The following INPP5F variants were observed in gnomAD, a reference collection of about 807,000 sequenced individuals.
INPP5F encodes inositol polyphosphate-5-phosphatase F, also known as phosphatidylinositide 4-phosphatase SAC2.
INPP5F carries 97 observed loss-of-function variants against 137.2 expected under a neutral mutation model. The ratio of observed to expected loss-of-function variants is 0.71; its 90% CI spans 0.60 to 0.84. The LOEUF is 0.84. Among genes scored for constraint, INPP5F ranks in the 40% least tolerant of loss-of-function variants. The pLI, the probability that INPP5F is intolerant of heterozygous loss-of-function variation, is 0.00. For synonymous variants in INPP5F, 504 were observed against 476.9 expected, an observed-to-expected ratio of 1.06 and a Z score of -0.74; for missense variants, 1,271 against 1,371.9, an observed-to-expected ratio of 0.93 and a Z score of 1.16.
chr10:119,733,228 T>C (rs978241867), intron 1 of INPP5F, among the ~76,000 whole-genome samples: 4 of 152,242 alleles, frequency 2.6e-5, no homozygotes, highest in African/African-American at 9.6e-5. Context: ...AAAATGCTAA[T>C]AGTGTGATAA....
intron 2 of INPP5F, among the ~76,000 whole-genome samples, chr10:119,765,836 CTAAT>C (rs1170076040): frequency 2.8e-4 from 39 of 137,066 alleles, no homozygotes; most frequent in African/African-American, 8.4e-4. Context: ...TATATAAATA[CTAAT>C]TAATCTCTCT....
At chr10:119,768,370 C>T (rs1029040433) in intron 2 of INPP5F, 1 of 152,164 alleles carries the variant, frequency 6.6e-6, no homozygotes, top group Admixed American at 6.6e-5. Context: ...AGTTTGACAT[C>T]AAATACGGCA....
At chr10:119,818,703 C>CGTCGCAGTT (rs1266320875) in intron 15 of INPP5F, 1 of 152,348 alleles carries the variant, frequency 6.6e-6, no homozygotes, top group Non-Finnish European at 1.5e-5. Context: ...GGCACTGCCG[C>CGTCGCAGTT]GTCGCAGTTG....
chr10:119,793,792 G>T lies in INPP5F; in HGVS notation c.669+1579G>T, dbSNP rs552633185. ...TCCCAAGTAGCTGGGATTACAGCTT[G>T]CGCCCCAGGCCCAGCTAATTTTTTG... On this transcript the variant is annotated intron_variant, in intron 6 of 19. Coordinates refer to ENST00000650623, the MANE Select transcript of INPP5F (RefSeq NM_014937.4). Among the ~76,000 whole-genome samples, 9 of 152,092 alleles carry T rather than the reference G, an allele frequency of 5.9e-5. No individual in the cohort carries two copies. In the East Asian group the frequency reaches 1.5e-3, roughly 26 times the overall value.
In INPP5F at chr10:119,792,009, G is replaced by A; in HGVS notation, c.585G>A (p.Glu195=). 1 of 1,614,238 alleles carries A rather than the reference G, an allele frequency of 6.2e-7. No homozygotes were observed. Among genetic ancestry groups the A allele is most frequent in the African/African-American group, 1.3e-5 (1 of 75,074 alleles). Residue 195 remains glutamate (E), a synonymous_variant, in exon 5 of 20, where the codon GAG becomes GAA. Transcript: ENST00000650623. The part of the protein sequence containing the change: ...TNSVQRQSTG[E]RDGRPLWQKV... ...CCGTGCAGAGGCAGAGCACTGGGGA[G>A]AGGGACGGTCGGCCCCTCTGGCAGA...
intron 2 of INPP5F, among the ~76,000 whole-genome samples, chr10:119,762,013 T>G (rs1849024041): frequency 6.6e-6 from 1 of 152,232 alleles, no homozygotes. Context: ...AGTCTCGAAG[T>G]TGGCCCCGTA....
At chr10:119,806,548 A>G in intron 12 of INPP5F, 68 bp downstream of exon 12, 1 of 1,379,160 alleles carries the variant, frequency 7.3e-7, no homozygotes, top group South Asian at 1.5e-5. Context: ...GAGTAAGCAA[A>G]TAGCTAAATA....
At chr10:119,762,707 A>G (rs894518269) in intron 2 of INPP5F, among the ~76,000 whole-genome samples, 20 of 152,232 alleles carry the variant, frequency 1.3e-4, no homozygotes, top group Admixed American at 5.2e-4. Flanking sequence ...GCCATTTTAC[A>G]TAAGGGACTT....
chr10:119,782,913 T>C (rs1049668384), intron 3 of INPP5F, among the ~76,000 whole-genome samples: 5 of 152,106 alleles, frequency 3.3e-5, no homozygotes, highest in Non-Finnish European at 5.9e-5. Context: ...CAGGGTTAAA[T>C]TGCCTTAAGA....
At chr10:119,790,480 C>A (rs1850102261) in intron 3 of INPP5F, among the ~76,000 whole-genome samples, 1 of 152,164 alleles carries the variant, frequency 6.6e-6, no homozygotes, top group African/African-American at 2.4e-5. Context: ...TTGAAATCAT[C>A]TGGAGATCCC....
At chr10:119,744,259 C>A (rs576863002) in intron 1 of INPP5F, among the ~76,000 whole-genome samples, 1 of 152,270 alleles carries the variant, frequency 6.6e-6, no homozygotes, top group South Asian at 2.1e-4. Flanking sequence ...AGAACACTTG[C>A]AAATTGACTT....
At chr10:119,803,121 T>C (rs1850651735) in intron 9 of INPP5F, among the ~76,000 whole-genome samples, 1 of 152,214 alleles carries the variant, frequency 6.6e-6, no homozygotes, top group Non-Finnish European at 1.5e-5. Context: ...TATATTCTCC[T>C]AGGTAGCACT....
intron 14 of INPP5F, 49 bp from the exon 15 acceptor site, chr10:119,811,703 TAAAAA>T: frequency 7.0e-7 from 1 of 1,421,114 alleles, no homozygotes; most frequent in Non-Finnish European, 9.7e-7. Flanking sequence ...TTTTGTTTTT[TAAAAA>T]TATATTAGTA....
At chr10:119,732,706 G>A (rs143746730) in intron 1 of INPP5F, among the ~76,000 whole-genome samples, 3,217 of 151,762 alleles carry the variant, frequency 0.021, 45 homozygotes, top group Non-Finnish European at 0.034. Flanking sequence ...TCGCCGTATT[G>A]GCCAGGTTGG....
intron 2 of INPP5F, among the ~76,000 whole-genome samples, chr10:119,776,686 TTG>T (rs142691417): frequency 7.4e-5 from 11 of 149,556 alleles, no homozygotes; most frequent in East Asian, 3.9e-4. Flanking sequence ...GTATGTGTGT[TTG>T]TGTGTGTGTG....
At chr10:119,739,044 G>A (rs1040487484) in intron 1 of INPP5F, among the ~76,000 whole-genome samples, 10 of 152,090 alleles carry the variant, frequency 6.6e-5, no homozygotes, top group Admixed American at 1.3e-4. Flanking sequence ...AATGAGGTGG[G>A]CATCATGGCG....
intron 2 of INPP5F, among the ~76,000 whole-genome samples, chr10:119,779,696 A>C (rs1027903327): frequency 6.6e-6 from 1 of 152,156 alleles, no homozygotes; most frequent in Admixed American, 6.5e-5. Context: ...CTGCAATTAC[A>C]GGCATGAATG....
In INPP5F at chr10:119,811,889, T is replaced by C; in HGVS notation, c.1820T>C (p.Met607Thr). The C allele has an allele frequency of 1.2e-6, 2 of 1,614,182 alleles. No individual in the cohort carries two copies. The highest frequency in any genetic ancestry group is 1.7e-6 in the Non-Finnish European group (2 of 1,180,008). The change falls in exon 15 of 20, where the codon ATG (methionine) becomes ACG (threonine). Residue 607 changes from methionine to threonine, a missense_variant. Physicochemically the swap from Met to Thr is moderately conservative, Grantham distance 81 (BLOSUM62 -1). This residue lies in a region of INPP5F where 593 missense variants were observed against 712.4 expected (regional missense o/e 0.83). Transcript: ENST00000650623. ...ELISQLLQSY[M>T]KLLLPDDEKF... is the part of the protein sequence containing the mutation. ...ATTAGCCAGCTCTTACAAAGTTACA[T>C]GAAGTTACTACTGCCTGATGATGAG...
intron 2 of INPP5F, among the ~76,000 whole-genome samples, chr10:119,756,136 A>G (rs909901832): frequency 2.0e-5 from 3 of 152,036 alleles, no homozygotes; most frequent in African/African-American, 7.3e-5. Context: ...AGCCTGGGTG[A>G]CAGAGCAAGA....
Sources: allele counts gnomAD v4.1 joint callset (sites outside exome capture counted in the v4.1 genomes callset), GRCh38; gene constraint gnomAD v4.1.1; regional missense constraint gnomAD v4.1.1; transcripts MANE v1.5; gene names NCBI Gene and HGNC (gene_info 2026-07-23, HGNC 2026-07-21).